Variants in GRN observed in about 807,000 individuals in gnomAD.
GRN encodes the protein granulin precursor.
GRN carries 30 observed loss-of-function variants against 66.7 expected under a neutral mutation model. The observed-to-expected ratio is 0.45, with a 90% CI of 0.34 to 0.61. The LOEUF (loss-of-function observed/expected upper bound fraction) is 0.61, where lower values mean the gene tolerates loss of function less well. Among genes scored for constraint, GRN ranks in the 20% least tolerant of loss-of-function variants. The pLI is 0.01. For missense variants in GRN, 731 were observed against 803.5 expected (o/e 0.91, Z 1.09); for synonymous variants, 327 against 311.1 (o/e 1.05, Z -0.54).
Position 44,351,055 on chromosome 17 carries a change from C to A in GRN, c.727C>A (p.His243Asn). 1 of 1,613,938 alleles carries A rather than the reference C, an allele frequency of 6.2e-7. No homozygotes were observed. The highest frequency in any genetic ancestry group is 2.2e-5 in the East Asian group (1 of 44,886). ...PMPNATCCSD[H>N]LHCCPQDTVC... ...CACTCAGGCCACCTGCTGCTCCGATCACCTGCACTGCTGCCCCCAAGACAC... is the reference window on the plus strand; with the variant it reads ...CACTCAGGCCACCTGCTGCTCCGATAACCTGCACTGCTGCCCCCAAGACAC... Residue 243 changes from histidine (H) to asparagine (N), a missense_variant, in exon 8 of 13, where the codon CAC (histidine) becomes AAC (asparagine). By Grantham distance (68) the His-to-Asn change is moderately conservative (BLOSUM62 1). Around this residue, in one of 3 missense-constraint regions of GRN, gnomAD observed 370 missense variants for 379.8 expected, o/e 0.97. Transcript: ENST00000053867.
Position 44,350,782 on chromosome 17 carries a change from C to T in GRN, c.690C>T (p.Gly230=), listed in dbSNP as rs956842924. The T allele has an allele frequency of 8.7e-6, 14 of 1,611,984 alleles. No individual in the cohort carries two copies. The Admixed American group carries it at 1.5e-4, about 17-fold the overall frequency. Residue 230 remains glycine, a synonymous_variant, in exon 7 of 13, where the codon GGC becomes GGT. Transcript: ENST00000053867. ...GTGAGCTGCCCAGTGGGAAGTATGG[C>T]TGCTGCCCAATGCCCAACGTGAGTG... ...TCCELPSGKY[G]CCPMPNATCC...
Position 44,351,574 on chromosome 17 carries a change from C to T in GRN, c.958C>T (p.His320Tyr). ...TQAVCCEDHI[H>Y]CCPAGFTCDT... ...GGCTGTGTGCTGTGAGGACCACATA[C>T]ACTGCTGTCCCGCGGGGTTTACGTG... Residue 320 changes from histidine to tyrosine, a missense_variant, in exon 10 of 13, where the codon CAC (histidine) becomes TAC (tyrosine). Transcript: ENST00000053867. The T allele has an allele frequency of 6.2e-7, 1 of 1,614,062 alleles. No homozygotes were observed. Among genetic ancestry groups the T allele is most frequent in the Non-Finnish European group, 8.5e-7 (1 of 1,179,940 alleles).
chr17:44,351,133 G>A lies in GRN; in HGVS notation c.805G>A (p.Asp269Asn). 6.2e-7 allele frequency: 1 copy of A among 1,614,124 alleles called. No individual in the cohort carries two copies. The highest frequency in any genetic ancestry group is 8.5e-7 in the Non-Finnish European group (1 of 1,180,000). ...KCLSKENATT[D>N]LLTKLPAHTV... ...CCTCTCCAAGGAGAACGCTACCACG[G>A]ACCTCCTCACTAAGCTGCCTGCGCA... is the stretch of plus-strand genomic sequence containing the variant. The change falls in exon 8 of 13, where the codon GAC becomes AAC. Residue 269 changes from aspartate (D) to asparagine (N), a missense_variant. Physicochemically the swap from Asp to Asn is conservative, Grantham distance 23. This residue lies in a region of GRN where 370 missense variants were observed against 379.8 expected (regional missense o/e 0.97). Transcript: ENST00000053867.
At chr17:44,345,457 C>T (rs1028185296) in intron 1 of GRN, 123 bp downstream of exon 1, 9 of 152,298 alleles carry the variant, frequency 5.9e-5, no homozygotes, top group Admixed American at 3.3e-4. Context: ...TACTGAAACT[C>T]CTTGGGGGTT....
rs63750435 is a variant in GRN, at chr17:44,351,109, C to A, written c.781C>A (p.Leu261Ile). ...GTGTGACCTGATCCAGAGTAAGTGC[C>A]TCTCCAAGGAGAACGCTACCACGGA... ...TVCDLIQSKC[L>I]SKENATTDLL... The change falls in exon 8 of 13, where the codon CTC becomes ATC. Residue 261 changes from leucine to isoleucine, a missense_variant. Physicochemically the swap from Leu to Ile is conservative, Grantham distance 5. Coordinates refer to ENST00000053867, the MANE Select transcript of GRN (RefSeq NM_002087.4). 4 of 1,614,038 alleles carry A rather than the reference C, an allele frequency of 2.5e-6. No individual in the cohort carries two copies. The highest frequency in any genetic ancestry group is 3.4e-6 in the Non-Finnish European group (4 of 1,179,900).
Position 44,351,140 on chromosome 17 carries a change from T to G in GRN, c.812T>G (p.Leu271Arg), listed in dbSNP as rs2048370097. 1 of 1,614,088 alleles carries G rather than the reference T, an allele frequency of 6.2e-7. No homozygotes were observed. Among genetic ancestry groups the G allele is most frequent in the Non-Finnish European group, 8.5e-7 (1 of 1,179,982 alleles). The change falls in exon 8 of 13, where the codon CTC (leucine) becomes CGC (arginine). Residue 271 changes from leucine (L) to arginine (R), a missense_variant. By Grantham distance (102) the Leu-to-Arg change is moderately radical. This residue lies in a region of GRN where 370 missense variants were observed against 379.8 expected (regional missense o/e 0.97). Coordinates refer to ENST00000053867, the MANE Select transcript of GRN (RefSeq NM_002087.4). ...LSKENATTDL[L>R]TKLPAHTVGD... ...AAGGAGAACGCTACCACGGACCTCC[T>G]CACTAAGCTGCCTGCGCACACAGGT...
chr17:44,352,134 G>C lies in GRN; in HGVS notation c.1299G>C (p.Arg433=), dbSNP rs1555611360. 3 of 1,613,834 alleles carry C rather than the reference G, an allele frequency of 1.9e-6. No individual in the cohort carries two copies. Among genetic ancestry groups the C allele is most frequent in the Non-Finnish European group, 2.5e-6 (3 of 1,179,958 alleles). ...GACTGGAGAAGATGCCTGCCCGCCG[G>C]GCTTCCTTATCCCACCCCAGAGACA... ...VAGLEKMPAR[R]ASLSHPRDIG... is the part of the protein sequence containing the mutation. Residue 433 remains arginine (R), a synonymous_variant, in exon 11 of 13, where the codon CGG becomes CGC. Transcript: ENST00000053867.
At chr17:44,351,877 AG>A in intron 10 of GRN, 82 bp downstream of exon 10, 4 of 1,521,618 alleles carry the variant, frequency 2.6e-6, no homozygotes, top group Non-Finnish European at 3.6e-6. Flanking sequence ...CATAGCCCAT[AG>A]GTGATACCCA....
intron 4 of GRN, chr17:44,350,011 G>C: frequency 1.5e-6 from 1 of 657,026 alleles, no homozygotes; most frequent in South Asian, 1.7e-5. Flanking sequence ...ACCAACCCAT[G>C]GTCAGTGGGT....
chr17:44,348,496 A>C (rs1186791268), intron 1 of GRN, among the ~76,000 whole-genome samples: 1 of 152,236 alleles, frequency 6.6e-6, no homozygotes, highest in East Asian at 1.9e-4. Flanking sequence ...GGGCTGACCC[A>C]GCTTCTGTGT....
At chr17:44,346,507 A>G (rs1026670091) in intron 1 of GRN, among the ~76,000 whole-genome samples, 1 of 152,172 alleles carries the variant, frequency 6.6e-6, no homozygotes, top group Non-Finnish European at 1.5e-5. Context: ...TTCTAGGATT[A>G]GGACCCAAGT....
In GRN at chr17:44,352,587, C is replaced by T. The variant is rs2048388720; in HGVS notation, c.1644+16C>T. On this transcript the variant is annotated intron_variant, in intron 12 of 12. Coordinates refer to ENST00000053867, the MANE Select transcript of GRN (RefSeq NM_002087.4). ...CTACCGCCAGGTCAGTGCCAACCCC[C>T]ATCCTGGGGCTGGGTATGGCCAGGG... 1 of 1,612,188 alleles carries T rather than the reference C, an allele frequency of 6.2e-7. No individual in the cohort carries two copies. The highest frequency in any genetic ancestry group is 8.5e-7 in the Non-Finnish European group (1 of 1,179,694).
In GRN at chr17:44,350,808, A is replaced by T. The variant is rs370878457; in HGVS notation, c.708+8A>T. The T allele has an allele frequency of 9.8e-5, 156 of 1,598,148 alleles. No individual in the cohort carries two copies. In the African/African-American group the frequency reaches 2.0e-3, roughly 21 times the overall value. On this transcript the variant is annotated splice_region_variant and intron_variant, in intron 7 of 12. Transcript: ENST00000053867. Reference sequence around the variant, plus strand: ...TGCTGCCCAATGCCCAACGTGAGTGAGGGGCTGGAGCCAGCTTGGCTGTGT... The same window carrying T: ...TGCTGCCCAATGCCCAACGTGAGTGTGGGGCTGGAGCCAGCTTGGCTGTGT...
chr17:44,352,010 C>T lies in GRN; in HGVS notation c.1180-5C>T. ...CTACAACGCCCTTTCCTGCCCACCC[C>T]CCAGGCTGTCTGCTGCTCGGACCAC... On this transcript the variant is annotated splice_polypyrimidine_tract_variant and splice_region_variant and intron_variant, in intron 10 of 12. Coordinates refer to ENST00000053867, the MANE Select transcript of GRN (RefSeq NM_002087.4). The T allele has an allele frequency of 6.2e-7, 1 of 1,610,680 alleles. No homozygotes were observed.
Position 44,352,345 on chromosome 17 carries a change from T to C in GRN, c.1418T>C (p.Val473Ala). 6.2e-7 allele frequency: 1 copy of C among 1,612,894 alleles called. No homozygotes were observed. Among genetic ancestry groups the C allele is most frequent in the African/African-American group, 1.3e-5 (1 of 75,044 alleles). Reference sequence around the variant, plus strand: ...CTGTGCTCCCTTCCCCGCCAGGCTGTGTGCTGCGAGGATCGCCAGCACTGC... The same window carrying C: ...CTGTGCTCCCTTCCCCGCCAGGCTGCGTGCTGCGAGGATCGCCAGCACTGC... ...SWACCQLPHA[V>A]CCEDRQHCCP... Residue 473 changes from valine (V) to alanine (A), a missense_variant, in exon 12 of 13, where the codon GTG (valine) becomes GCG (alanine). By Grantham distance (64) the Val-to-Ala change is moderately conservative (BLOSUM62 0). Transcript: ENST00000053867.
In GRN at chr17:44,351,305, G is replaced by C; in HGVS notation, c.836-58G>C. 9 of 1,529,782 alleles carry C rather than the reference G, an allele frequency of 5.9e-6. No homozygotes were observed. The South Asian group carries it at 8.9e-5, about 15-fold the overall frequency. 94.8% of individuals were successfully genotyped at this position (1,529,782 alleles called of 1,614,324 possible). On this transcript the variant is annotated intron_variant, in intron 8 of 12. Transcript: ENST00000053867. ...CCAGCTGTGGAGCCGGCAAAGGGTTGATACCCCTGAGGGTCCCCAGTGCCA... is the reference window on the plus strand; with the variant it reads ...CCAGCTGTGGAGCCGGCAAAGGGTTCATACCCCTGAGGGTCCCCAGTGCCA...
chr17:44,347,573 C>T (rs1436445587), intron 1 of GRN, among the ~76,000 whole-genome samples: 2 of 151,866 alleles, frequency 1.3e-5, no homozygotes, highest in Non-Finnish European at 2.9e-5. Context: ...AGGCGTTAGC[C>T]ACCGCGCCCA....
At chr17:44,351,936 C>A (rs553396724) in intron 10 of GRN, 79 bp from the exon 11 acceptor site, 11 of 1,455,046 alleles carry the variant, frequency 7.6e-6, no homozygotes, top group African/African-American at 1.4e-5. Context: ...GCAGGAGAGG[C>A]GGGCTGGAGT....
At position 44,352,888 on chromosome 17, in the gene GRN, T is replaced by G; in HGVS notation, c.*90T>G. The G allele has an allele frequency of 8.0e-7, 1 of 1,254,198 alleles. No individual in the cohort carries two copies. The highest frequency in any genetic ancestry group is 1.1e-6 in the Non-Finnish European group (1 of 879,666). The allele number at this position is 1,254,198 out of a possible 1,614,324, so 77.7% of individuals were successfully genotyped here. On this transcript the variant is annotated 3_prime_UTR_variant, in exon 13 of 13. Coordinates refer to ENST00000053867, the MANE Select transcript of GRN (RefSeq NM_002087.4). ...TCCCTAGCACCTCCCCCTAACCAAA[T>G]TCTCCCTGGACCCCATTCTGAGCTC...
Sources: allele counts gnomAD v4.1 joint callset (sites outside exome capture counted in the v4.1 genomes callset), GRCh38; gene constraint gnomAD v4.1.1; regional missense constraint gnomAD v4.1.1; transcripts MANE v1.5; gene names NCBI Gene and HGNC (gene_info 2026-07-23, HGNC 2026-07-21).